The following ERICH1 variants were observed in gnomAD, a reference collection of about 807,000 sequenced individuals.
The protein encoded by ERICH1 is glutamate rich 1.
In ERICH1, 56 loss-of-function variants were observed where a neutral mutation model predicts 39.6. The observed-to-expected ratio is 1.41, with a 90% CI of 1.14 to 1.77. The LOEUF (loss-of-function observed/expected upper bound fraction) is 1.77. ERICH1 is among the 40% of genes most tolerant of loss of function. The pLI, the probability that ERICH1 is intolerant of heterozygous loss-of-function variation, is 0.00. For synonymous variants in ERICH1, 313 were observed against 223.6 expected (o/e 1.40, Z -3.57); for missense variants, 826 against 575.4 (o/e 1.44, Z -4.45).
chr8:683,000 T>C (rs1029486789), intron 3 of ERICH1, among the ~76,000 whole-genome samples: 1 of 152,216 alleles, frequency 6.6e-6, no homozygotes, highest in Non-Finnish European at 1.5e-5. Context: ...TGTAGTAACA[T>C]GAAAAGCTTC....
At chr8:679,955 T>C (rs62487392) in intron 3 of ERICH1, among the ~76,000 whole-genome samples, 7,992 of 15,900 alleles carry the variant, frequency 0.5, 1,135 homozygotes, top group Non-Finnish European at 0.53. Flanking sequence ...AGAGAATCCA[T>C]AGCTGCCACC....
At chr8:673,249 T>C in intron 4 of ERICH1, 40 bp downstream of exon 4, 1 of 1,539,468 alleles carries the variant, frequency 6.5e-7, no homozygotes, top group South Asian at 1.3e-5. Flanking sequence ...AACTTTTAAG[T>C]GGATGTCACT....
intron 3 of ERICH1, among the ~76,000 whole-genome samples, chr8:643,883 G>A (rs909961665): frequency 2.6e-5 from 4 of 152,196 alleles, no homozygotes; most frequent in East Asian, 1.9e-4. Flanking sequence ...ATGTGTGACC[G>A]AAAAAGGAGG....
At chr8:629,611 ACCCG>A (rs1797834572) in intron 3 of ERICH1, among the ~76,000 whole-genome samples, 2 of 87,734 alleles carry the variant, frequency 2.3e-5, no homozygotes, top group African/African-American at 9.8e-5. Context: ...GCTGACTCAC[ACCCG>A]CCTGTGACCA....
chr8:623,895 G>A (rs968887057), intron 3 of ERICH1, among the ~76,000 whole-genome samples: 1 of 152,144 alleles, frequency 6.6e-6, no homozygotes, highest in Non-Finnish European at 1.5e-5. Flanking sequence ...GAAAAAAGTA[G>A]ATAAATTGGC....
intron 3 of ERICH1, among the ~76,000 whole-genome samples, chr8:620,098 G>A (rs1797185521): frequency 6.6e-6 from 1 of 152,156 alleles, no homozygotes; most frequent in African/African-American, 2.4e-5. Flanking sequence ...TGGATCACGA[G>A]GTCAGGAGTT....
In ERICH1 at chr8:673,818, G is replaced by T; in HGVS notation, c.534C>A (p.Gly178=). The part of the protein sequence containing the change: ...KQQIKRKKAA[G]LAAKAAGVSF... Reference sequence around the variant, plus strand: ...TGACACCAGCAGCCTTTGCTGCCAAGCCGGCTGCTTTCTTCCTTTTAATTT... The same window carrying T: ...TGACACCAGCAGCCTTTGCTGCCAATCCGGCTGCTTTCTTCCTTTTAATTT... Residue 178 remains glycine (G), a synonymous_variant, in exon 4 of 6, where the codon GGC becomes GGA. Transcript: ENST00000262109. 6.2e-7 allele frequency: 1 copy of T among 1,614,134 alleles called. No individual in the cohort carries two copies. The highest frequency in any genetic ancestry group is 8.5e-7 in the Non-Finnish European group (1 of 1,180,032).
intron 1 of ERICH1, among the ~76,000 whole-genome samples, chr8:727,266 A>G (rs1454990272): frequency 6.6e-6 from 1 of 152,164 alleles, no homozygotes; most frequent in African/African-American, 2.4e-5. Flanking sequence ...TGCACACACA[A>G]GCTCACAGAC....
At chr8:620,081 A>C (rs1797184242) in intron 3 of ERICH1, among the ~76,000 whole-genome samples, 1 of 152,218 alleles carries the variant, frequency 6.6e-6, no homozygotes, top group Non-Finnish European at 1.5e-5. Flanking sequence ...TGGGAGGCCA[A>C]GGTGGGTGGA....
At chr8:635,267 G>A (rs186768) in intron 3 of ERICH1, among the ~76,000 whole-genome samples, 42,252 of 152,062 alleles carry the variant, frequency 0.28, 6,745 homozygotes, top group East Asian at 0.43. Flanking sequence ...CTTGAGTTGC[G>A]TCAGGTCCAT....
intron 3 of ERICH1, among the ~76,000 whole-genome samples, chr8:628,842 C>A (rs1251736078): frequency 1.3e-5 from 2 of 152,196 alleles, no homozygotes; most frequent in African/African-American, 4.8e-5. Flanking sequence ...CTGAGGCAAA[C>A]AAGCCCCCTC....
intron 5 of ERICH1, 34 bp downstream of exon 5, chr8:668,564 A>C (rs754349559): frequency 3.7e-6 from 6 of 1,612,818 alleles, no homozygotes; most frequent in Non-Finnish European, 5.1e-6. Flanking sequence ...AGAGTATCTT[A>C]AGCAGGACCT....
chr8:664,579 C>T lies in ERICH1; in HGVS notation c.*24G>A, dbSNP rs1190020738. ...TTTAAGTTTTTTTGTTAAAGAGGAG[C>T]TGTTCTTAAAGAGATATTCCATTTT... is the stretch of plus-strand genomic sequence containing the variant. On this transcript the variant is annotated 3_prime_UTR_variant, in exon 6 of 6. Coordinates refer to ENST00000262109, the MANE Select transcript of ERICH1 (RefSeq NM_207332.3). 1.9e-6 allele frequency: 3 copies of T among 1,587,966 alleles called. No individual in the cohort carries two copies. Among genetic ancestry groups the T allele is most frequent in the Non-Finnish European group, 2.6e-6 (3 of 1,169,104 alleles).
At chr8:659,009 CCT>C (rs1801051667) in intron 3 of ERICH1, among the ~76,000 whole-genome samples, 1 of 115,004 alleles carries the variant, frequency 8.7e-6, no homozygotes, top group Non-Finnish European at 1.9e-5. Context: ...CACTGAGCAT[CCT>C]GGGGAGGGGG....
At chr8:690,522 G>A (rs753415) in intron 3 of ERICH1, among the ~76,000 whole-genome samples, 33,950 of 152,236 alleles carry the variant, frequency 0.22, 3,963 homozygotes, top group East Asian at 0.43. Context: ...AGCAAGTGCC[G>A]CTGCGGGGGC....
rs763310568 is a variant in ERICH1 at position 692,565 on chromosome 8, C to A, written c.217G>T (p.Gly73Trp). The A allele has an allele frequency of 1.2e-6, 2 of 1,613,030 alleles. No homozygotes were observed. The highest frequency in any genetic ancestry group is 8.5e-7 in the Non-Finnish European group (1 of 1,179,582). The change falls in exon 3 of 6, where the codon GGG becomes TGG. Residue 73 changes from glycine (G) to tryptophan (W), a missense_variant. Physicochemically the swap from Gly to Trp is radical, Grantham distance 184. Coordinates refer to ENST00000262109, the MANE Select transcript of ERICH1 (RefSeq NM_207332.3). Reference protein sequence around the residue: ...PTARRLYTASGPPEGYVPCWP... With the variant: ...PTARRLYTASWPPEGYVPCWP... ...CAGGGGACGTAGCCCTCAGGAGGCC[C>A]GCTGGCAGTGTAGAGCCGTCGGGCA...
At chr8:712,890 G>A (rs1376291911) in intron 2 of ERICH1, among the ~76,000 whole-genome samples, 5 of 152,116 alleles carry the variant, frequency 3.3e-5, no homozygotes, top group African/African-American at 9.7e-5. Flanking sequence ...TATACTGATT[G>A]AAAAAGCAAG....
chr8:636,369 G>A (rs1007108737), intron 3 of ERICH1, among the ~76,000 whole-genome samples: 5 of 152,250 alleles, frequency 3.3e-5, no homozygotes, highest in African/African-American at 1.2e-4. Context: ...GTTTCTGCTA[G>A]AGACTGTCCT....
intron 3 of ERICH1, among the ~76,000 whole-genome samples, chr8:651,825 G>A (rs772233341): frequency 7.9e-5 from 12 of 152,116 alleles, no homozygotes; most frequent in Non-Finnish European, 1.2e-4. Flanking sequence ...AACTCTACTC[G>A]GAAATCGGTG....
Sources: allele counts gnomAD v4.1 joint callset (sites outside exome capture counted in the v4.1 genomes callset), GRCh38; gene constraint gnomAD v4.1.1; transcripts MANE v1.5; gene names NCBI Gene and HGNC (gene_info 2026-07-23, HGNC 2026-07-21).